The following PRCP variants were observed in gnomAD, a reference collection of about 807,000 sequenced individuals.
PRCP encodes prolylcarboxypeptidase, also known as lysosomal Pro-X carboxypeptidase.
In PRCP, 46 loss-of-function variants were observed where a neutral mutation model predicts 54.2. That is an observed-to-expected ratio of 0.85 (90% CI 0.67 to 1.09). The LOEUF is 1.09. Ranked by LOEUF, PRCP falls within the 50% of genes least tolerant of loss-of-function variation. PRCP has a pLI of 0.00. For missense variants in PRCP, 613 were observed against 596.8 expected, an observed-to-expected ratio of 1.03 and a Z score of -0.28; for synonymous variants, 240 against 212.2, an observed-to-expected ratio of 1.13 and a Z score of -1.14.
intron 8 of PRCP, among the ~76,000 whole-genome samples, chr11:82,831,799 T>C (rs9919655): frequency 0.52 from 79,240 of 151,872 alleles, 21,621 homozygotes; most frequent in African/African-American, 0.69. Flanking sequence ...TATACACATG[T>C]CATGGTGGTT....
chr11:82,838,556 T>G lies in PRCP; in HGVS notation c.1105A>C (p.Met369Leu). 3 of 1,613,636 alleles carry G rather than the reference T, an allele frequency of 1.9e-6. No individual in the cohort carries two copies. Among genetic ancestry groups the G allele is most frequent in the Middle Eastern group, 1.6e-4 (1 of 6,062 alleles). ...TCGACACCATTAGTACAAAAGGGCATGACTACTTCTGTGCAGGCCTAAGAA... is the reference window on the plus strand; with the variant it reads ...TCGACACCATTAGTACAAAAGGGCAGGACTACTTCTGTGCAGGCCTAAGAA... The part of the protein sequence containing the change: ...WSYQACTEVV[M>L]PFCTNGVDDM... Residue 369 changes from methionine to leucine, a missense_variant, in exon 8 of 9, where the codon ATG becomes CTG. Coordinates refer to ENST00000313010, the MANE Select transcript of PRCP (RefSeq NM_005040.4).
rs574000578 is a variant in PRCP, at chr11:82,877,040, T to A, written c.169-16923A>T. Reference sequence around the variant, plus strand: ...AGGCTGAGGTGGTCTCAGACGGAGATGAGGAACTTGTTGGGAACTGAAACA... The same window carrying A: ...AGGCTGAGGTGGTCTCAGACGGAGAAGAGGAACTTGTTGGGAACTGAAACA... On this transcript the variant is annotated intron_variant, in intron 1 of 8. Coordinates refer to ENST00000313010, the MANE Select transcript of PRCP (RefSeq NM_005040.4). Among the ~76,000 whole-genome samples the A allele has an allele frequency of 5.3e-5, 8 of 152,292 alleles. No homozygotes were observed. In the East Asian group the frequency reaches 1.4e-3, roughly 26 times the overall value.
At chr11:82,884,885 C>A in intron 1 of PRCP, 3 of 1,613,322 alleles carry the variant, frequency 1.9e-6, no homozygotes, top group Non-Finnish European at 2.5e-6. Context: ...GCAGCAAGGG[C>A]CTGCAGGAAG....
At chr11:82,838,967 T>C (rs1463621386) in intron 7 of PRCP, among the ~76,000 whole-genome samples, 2 of 152,226 alleles carry the variant, frequency 1.3e-5, no homozygotes, top group African/African-American at 4.8e-5. Flanking sequence ...TCTATTGAAA[T>C]ACTACTTACT....
At chr11:82,879,365 G>A (rs983717520) in intron 1 of PRCP, among the ~76,000 whole-genome samples, 5 of 152,176 alleles carry the variant, frequency 3.3e-5, no homozygotes, top group Non-Finnish European at 7.3e-5. Flanking sequence ...TCGTGCCATG[G>A]TTTTCAGCTC....
chr11:82,855,446 G>A (rs1413690057), intron 2 of PRCP, among the ~76,000 whole-genome samples: 2 of 151,872 alleles, frequency 1.3e-5, no homozygotes, highest in African/African-American at 4.8e-5. Context: ...GTGAAACCCC[G>A]TCTCTACTAA....
At chr11:82,884,819 C>T (rs777513920) in intron 1 of PRCP, 1 of 1,612,424 alleles carries the variant, frequency 6.2e-7, no homozygotes, top group East Asian at 2.2e-5. Flanking sequence ...AAAATAACAC[C>T]TACCAGAGGA....
Position 82,824,616 on chromosome 11 carries a change from C to T in PRCP, c.*290G>A. 5.4e-6 allele frequency: 2 copies of T among 370,976 alleles called. No homozygotes were observed. Among genetic ancestry groups the T allele is most frequent in the Non-Finnish European group, 1.0e-5 (2 of 200,760 alleles). 23.0% of individuals were successfully genotyped at this position (370,976 alleles called of 1,614,324 possible). On this transcript the variant is annotated 3_prime_UTR_variant, in exon 9 of 9. Coordinates refer to ENST00000313010, the MANE Select transcript of PRCP (RefSeq NM_005040.4). ...AGAGATACAAAGAAAGTAACTCTCC[C>T]TCTTATGAAAAGCAACCAGGAACTC...
Position 82,822,976 on chromosome 11 carries a change from G to A in PRCP, c.*1930C>T, listed in dbSNP as rs1858132892. Among the ~76,000 whole-genome samples, 1 of 152,144 alleles carries A rather than the reference G, an allele frequency of 6.6e-6. No individual in the cohort carries two copies. Among genetic ancestry groups the A allele is most frequent in the African/African-American group, 2.4e-5 (1 of 41,418 alleles). On this transcript the variant is annotated 3_prime_UTR_variant, in exon 9 of 9. Transcript: ENST00000313010. ...GTAAAAAGTGCAGTTTTATTAGAGG[G>A]ATGCTTTAAATAATAAGGCTTATCT...
Position 82,900,232 on chromosome 11 carries a change from T to C in PRCP, c.168+3A>G, listed in dbSNP as rs539129630. 3.7e-6 allele frequency: 6 copies of C among 1,614,078 alleles called. No individual in the cohort carries two copies. The South Asian group carries it at 5.5e-5, about 15-fold the overall frequency. ...GGACGGCGAAGCCCCCGCTCCCCCTTACCTTCTGTTGGAAGTAGAGAACCG... is the reference window on the plus strand; with the variant it reads ...GGACGGCGAAGCCCCCGCTCCCCCTCACCTTCTGTTGGAAGTAGAGAACCG... On this transcript the variant is annotated splice_donor_region_variant and intron_variant, in intron 1 of 8. Transcript: ENST00000313010.
Position 82,854,787 on chromosome 11 carries a change from A to G in PRCP, c.310-1509T>C, listed in dbSNP as rs185082025. Among the ~76,000 whole-genome samples the G allele has an allele frequency of 1.4e-3, 206 of 152,360 alleles. 1 individual carries two copies. Among genetic ancestry groups the G allele is most frequent in the African/African-American group, 4.7e-3 (195 of 41,594 alleles). On this transcript the variant is annotated intron_variant, in intron 2 of 8. Coordinates refer to ENST00000313010, the MANE Select transcript of PRCP (RefSeq NM_005040.4). ...ACTTCAAACTATACTGCAAGGCTAC[A>G]ATAACCAAAACATCAGGTACTGGTA...
chr11:82,870,302 G>C (rs1859448657), intron 1 of PRCP, among the ~76,000 whole-genome samples: 1 of 152,174 alleles, frequency 6.6e-6, no homozygotes, highest in African/African-American at 2.4e-5. Context: ...TTTTAAGAAG[G>C]AAGAAACAGG....
chr11:82,832,255 G>C (rs1327529367), intron 8 of PRCP, among the ~76,000 whole-genome samples: 1 of 152,026 alleles, frequency 6.6e-6, no homozygotes, highest in Non-Finnish European at 1.5e-5. Flanking sequence ...GGGTCAAATG[G>C]CTCTAGATCC....
At chr11:82,846,981 A>G (rs952698824) in intron 6 of PRCP, among the ~76,000 whole-genome samples, 1 of 152,230 alleles carries the variant, frequency 6.6e-6, no homozygotes, top group African/African-American at 2.4e-5. Flanking sequence ...CAAATAAGTT[A>G]TTATTGGAGA....
rs1858172393 is a variant in PRCP, at chr11:82,824,546, C to G, written c.*360G>C. ...GTAGGGATGGGGACTTACAAATGGG[C>G]CAAAGACACTTCAACCTCAAAACCA... On this transcript the variant is annotated 3_prime_UTR_variant, in exon 9 of 9. Transcript: ENST00000313010. 4.0e-6 allele frequency: 1 copy of G among 251,692 alleles called. No individual in the cohort carries two copies. The highest frequency in any genetic ancestry group is 7.7e-6 in the Non-Finnish European group (1 of 129,186). 15.6% of individuals were successfully genotyped at this position (251,692 alleles called of 1,614,324 possible).
At chr11:82,849,791 G>T in intron 5 of PRCP, 123 bp downstream of exon 5, 1 of 896,210 alleles carries the variant, frequency 1.1e-6, no homozygotes, top group Non-Finnish European at 1.5e-6. Flanking sequence ...ATTTTGATTT[G>T]TATAATTTTC....
At chr11:82,879,404 C>G (rs1321088930) in intron 1 of PRCP, among the ~76,000 whole-genome samples, 2 of 152,162 alleles carry the variant, frequency 1.3e-5, no homozygotes, top group Non-Finnish European at 2.9e-5. Flanking sequence ...CTTCTCTATG[C>G]TGTTTATTCT....
chr11:82,882,440 C>T (rs1446047603), intron 1 of PRCP, among the ~76,000 whole-genome samples: 1 of 151,976 alleles, frequency 6.6e-6, no homozygotes, highest in African/African-American at 2.4e-5. Flanking sequence ...AGACAGAATC[C>T]CATTCTGTAG....
At chr11:82,857,403 C>G (rs1859116368) in intron 2 of PRCP, among the ~76,000 whole-genome samples, 1 of 152,222 alleles carries the variant, frequency 6.6e-6, no homozygotes, top group Non-Finnish European at 1.5e-5. Flanking sequence ...ATTCACACAG[C>G]TAGTAAGCGG....
Sources: gnomAD v4.1 joint callset for allele counts (sites outside exome capture counted in the v4.1 genomes callset) on GRCh38, gnomAD v4.1.1 for gene constraint, MANE v1.5 for transcripts, NCBI Gene and HGNC (gene_info 2026-07-23, HGNC 2026-07-21) for gene names.